Variants in USP33 observed in about 807,000 individuals in gnomAD.
USP33 encodes ubiquitin specific peptidase 33, also known as ubiquitin carboxyl-terminal hydrolase 33.
Under a neutral mutation model 124.2 loss-of-function variants are expected in USP33, and 46 were observed. That is an observed-to-expected ratio of 0.37 (90% CI 0.29 to 0.47). USP33 has a LOEUF of 0.47. Ranked by LOEUF, USP33 falls within the 20% of genes least tolerant of loss-of-function variation. The pLI, the probability that USP33 is intolerant of heterozygous loss-of-function variation, is 0.99. For synonymous variants in USP33, 350 were observed against 352.3 expected, an observed-to-expected ratio of 0.99 and a Z score of 0.07; for missense variants, 851 against 1,070.6, an observed-to-expected ratio of 0.79 and a Z score of 2.86.
chr1:77,701,254 T>C, intron 22 of USP33, 115 bp downstream of exon 22: 1 of 677,698 alleles, frequency 1.5e-6, no homozygotes, highest in Non-Finnish European at 2.4e-6. Flanking sequence ...GGACAGGATC[T>C]TTTTCTCTTC....
intron 21 of USP33, among the ~76,000 whole-genome samples, chr1:77,708,099 T>C (rs1380277235): frequency 6.6e-6 from 1 of 152,226 alleles, no homozygotes; most frequent in Admixed American, 6.5e-5. Flanking sequence ...TTGTTGCTAC[T>C]GTTGTTTGGT....
At chr1:77,705,263 C>T (rs888953224) in intron 21 of USP33, among the ~76,000 whole-genome samples, 1 of 150,688 alleles carries the variant, frequency 6.6e-6, no homozygotes, top group Non-Finnish European at 1.5e-5. Context: ...GGTGCGATCT[C>T]GGCTCACTGC....
At chr1:77,709,882 T>TACATAC (rs1553190683) in intron 21 of USP33, among the ~76,000 whole-genome samples, 5 of 144,794 alleles carry the variant, frequency 3.5e-5, no homozygotes, top group Admixed American at 2.1e-4. Context: ...TGCATACACA[T>TACATAC]ACACACACAC....
chr1:77,748,731 AT>A (rs1679985426), intron 1 of USP33, among the ~76,000 whole-genome samples: 2 of 137,958 alleles, frequency 1.4e-5, no homozygotes, highest in Non-Finnish European at 3.1e-5. Context: ...GAAATTTTGC[AT>A]TTCTGGGCAT....
chr1:77,722,372 AAAAC>A, intron 12 of USP33, 176 bp from the exon 13 acceptor site: 1 of 593,206 alleles, frequency 1.7e-6, no homozygotes, highest in South Asian at 2.2e-5. Flanking sequence ...AAAAAAAACA[AAAAC>A]AAAAAACAAA....
intron 19 of USP33, among the ~76,000 whole-genome samples, chr1:77,713,739 T>G (rs1426171827): frequency 2.0e-5 from 3 of 151,848 alleles, no homozygotes; most frequent in Non-Finnish European, 4.4e-5. Flanking sequence ...CAGGCTGGAG[T>G]GCAGCAGCAT....
At chr1:77,715,203 ATCTT>A (rs761523193) in intron 18 of USP33, among the ~76,000 whole-genome samples, 31 of 151,822 alleles carry the variant, frequency 2.0e-4, no homozygotes, top group Admixed American at 5.9e-4. Flanking sequence ...ATTAAACCTA[ATCTT>A]TCTTTTTCTT....
intron 21 of USP33, among the ~76,000 whole-genome samples, chr1:77,711,309 A>T (rs1046217966): frequency 6.6e-6 from 1 of 152,140 alleles, no homozygotes; most frequent in Non-Finnish European, 1.5e-5. Context: ...AGCAAATCAC[A>T]TGAGGTCAGG....
chr1:77,740,992 A>C (rs1314449118), intron 3 of USP33, 53 bp from the exon 4 acceptor site: 1 of 1,196,204 alleles, frequency 8.4e-7, no homozygotes, highest in East Asian at 2.6e-5. Flanking sequence ...TATACATGTA[A>C]ATTTATAACA....
At chr1:77,736,480 C>T (rs191532558) in intron 5 of USP33, among the ~76,000 whole-genome samples, 146 of 152,228 alleles carry the variant, frequency 9.6e-4, no homozygotes, top group Middle Eastern at 3.4e-3. Flanking sequence ...AAAAGATCTC[C>T]GAAGGATACT....
At chr1:77,720,319 A>G in intron 15 of USP33, 2 of 985,220 alleles carry the variant, frequency 2.0e-6, no homozygotes, top group Non-Finnish European at 2.4e-6. Flanking sequence ...TTCCATCTTC[A>G]CTGTTATCTT....
At chr1:77,701,967 C>G (rs1674063344) in intron 21 of USP33, among the ~76,000 whole-genome samples, 1 of 151,710 alleles carries the variant, frequency 6.6e-6, no homozygotes, top group Non-Finnish European at 1.5e-5. Flanking sequence ...CACACTCGGC[C>G]TACACACACA....
intron 21 of USP33, chr1:77,701,715 G>A (rs564327754): frequency 9.3e-6 from 3 of 322,924 alleles, no homozygotes; most frequent in Non-Finnish European, 1.7e-5. Flanking sequence ...TGTTGCCCAG[G>A]CTGGAGTGCA....
chr1:77,731,136 A>G (rs1338010654), intron 7 of USP33, among the ~76,000 whole-genome samples: 2 of 152,168 alleles, frequency 1.3e-5, no homozygotes, highest in Admixed American at 6.5e-5. Flanking sequence ...ACTTGATCCT[A>G]TGACATTTCC....
At chr1:77,737,727 A>C (rs931723263) in intron 5 of USP33, among the ~76,000 whole-genome samples, 1 of 152,224 alleles carries the variant, frequency 6.6e-6, no homozygotes, top group African/African-American at 2.4e-5. Context: ...CAGTATACTT[A>C]TTCTATCAGA....
rs369375592 is a variant in USP33, at chr1:77,755,989, C to T, written c.-52+3654G>A. ...TATCATCACTCTCCTGAATACTATGCAATTTTTTCACTTTCCTTAAAAAAC... is the reference window on the plus strand; with the variant it reads ...TATCATCACTCTCCTGAATACTATGTAATTTTTTCACTTTCCTTAAAAAAC... On this transcript the variant is annotated intron_variant, in intron 1 of 23. Transcript: ENST00000370794. Among the ~76,000 whole-genome samples, 3 of 152,328 alleles carry T rather than the reference C, an allele frequency of 2.0e-5. No individual in the cohort carries two copies. In the East Asian group the frequency reaches 5.8e-4, roughly 29 times the overall value.
chr1:77,744,995 CGTT>C (rs1679582083), intron 1 of USP33, among the ~76,000 whole-genome samples: 1 of 152,160 alleles, frequency 6.6e-6, no homozygotes, highest in Non-Finnish European at 1.5e-5. Context: ...CTTTCTGTCT[CGTT>C]GATCTGTCTA....
Position 77,757,289 on chromosome 1 carries a change from C to T in USP33, c.-52+2354G>A, listed in dbSNP as rs77740977. 7.1e-3 allele frequency among the ~76,000 whole-genome samples: 1,075 copies of T among 152,250 alleles called. 15 individuals carry two copies. Among genetic ancestry groups the T allele is most frequent in the African/African-American group, 0.024 (1,002 of 41,542 alleles). ...ACAAGTTCTTTGAAGGCAGAAACCA[C>T]GTTTCATTCTTTTTGTTTTCCAAAG... On this transcript the variant is annotated intron_variant, in intron 1 of 23. Transcript: ENST00000370794.
At chr1:77,711,683 ACT>A in intron 21 of USP33, 62 bp downstream of exon 21, 46 of 1,568,922 alleles carry the variant, frequency 2.9e-5, no homozygotes, top group Non-Finnish European at 3.9e-5. Flanking sequence ...ATATCATATA[ACT>A]CTGATAATTG....
Sources: allele counts gnomAD v4.1 joint callset (sites outside exome capture counted in the v4.1 genomes callset), GRCh38; gene constraint gnomAD v4.1.1; transcripts MANE v1.5; gene names NCBI Gene and HGNC (gene_info 2026-07-23, HGNC 2026-07-21).